The following XRCC4 variants were observed in gnomAD, a reference collection of about 807,000 sequenced individuals.
The protein encoded by XRCC4 is DNA repair protein XRCC4.
XRCC4 carries 28 observed loss-of-function variants against 39.1 expected under a neutral mutation model. The ratio of observed to expected loss-of-function variants is 0.72; its 90% CI spans 0.53 to 0.98. XRCC4 has a LOEUF of 0.98. Ranked by LOEUF, XRCC4 falls within the 50% of genes least tolerant of loss-of-function variation. XRCC4 has a pLI of 0.00. For missense variants in XRCC4, 350 were observed against 376.4 expected (o/e 0.93, Z 0.58); for synonymous variants, 123 against 126.4 (o/e 0.97, Z 0.18).
At chr5:83,131,824 C>T (rs995565483) in intron 3 of XRCC4, among the ~76,000 whole-genome samples, 1 of 152,088 alleles carries the variant, frequency 6.6e-6, no homozygotes, top group Admixed American at 6.6e-5. Context: ...TGGGTTGTGA[C>T]TCTTTCTCCA....
chr5:83,200,174 A>G (rs1175101542), intron 4 of XRCC4, among the ~76,000 whole-genome samples: 1 of 152,232 alleles, frequency 6.6e-6, no homozygotes, highest in Non-Finnish European at 1.5e-5. Context: ...ATGATACGAC[A>G]TACCTCTTAG....
chr5:83,188,701 A>G (rs1338393207), intron 3 of XRCC4, among the ~76,000 whole-genome samples: 1 of 152,164 alleles, frequency 6.6e-6, no homozygotes, highest in Non-Finnish European at 1.5e-5. Context: ...CAAGTGAACT[A>G]AGTGAGAGGA....
chr5:83,295,737 A>AACATGC (rs1341467292), intron 7 of XRCC4, among the ~76,000 whole-genome samples: 36 of 144,276 alleles, frequency 2.5e-4, no homozygotes, highest in African/African-American at 9.9e-4. Context: ...CACACGCACA[A>AACATGC]ACATGCACAT....
At chr5:83,318,036 A>C (rs1480172226) in intron 7 of XRCC4, among the ~76,000 whole-genome samples, 1 of 134,426 alleles carries the variant, frequency 7.4e-6, no homozygotes, top group Non-Finnish European at 1.5e-5. Flanking sequence ...CCTGGGATGC[A>C]AGGCTGGTTC....
chr5:83,211,836 A>G (rs949503151), intron 6 of XRCC4, among the ~76,000 whole-genome samples: 1 of 152,238 alleles, frequency 6.6e-6, no homozygotes, highest in Non-Finnish European at 1.5e-5. Flanking sequence ...TACCACAGGT[A>G]AGTTAATAAA....
At chr5:83,080,249 G>A (rs1342288946) in intron 1 of XRCC4, among the ~76,000 whole-genome samples, 5 of 152,024 alleles carry the variant, frequency 3.3e-5, no homozygotes, top group Admixed American at 2.6e-4. Flanking sequence ...AATTCCAGCC[G>A]GGTGCGGTGG....
At chr5:83,350,816 G>C (rs1757058428) in intron 7 of XRCC4, among the ~76,000 whole-genome samples, 1 of 151,932 alleles carries the variant, frequency 6.6e-6, no homozygotes, top group Non-Finnish European at 1.5e-5. Flanking sequence ...TTGCTTTTGG[G>C]GACTTGGCCA....
At chr5:83,103,989 T>G (rs1356705238) in intron 1 of XRCC4, among the ~76,000 whole-genome samples, 1 of 152,230 alleles carries the variant, frequency 6.6e-6, no homozygotes, top group East Asian at 1.9e-4. Flanking sequence ...TTTGTTCAAC[T>G]GTAAAATTCA....
chr5:83,274,495 GC>G (rs1246937826), intron 7 of XRCC4, among the ~76,000 whole-genome samples: 1 of 152,148 alleles, frequency 6.6e-6, no homozygotes, highest in Non-Finnish European at 1.5e-5. Context: ...ATGGTGGGGA[GC>G]AAAACAGCTG....
At chr5:83,196,039 A>G in intron 4 of XRCC4, 103 bp downstream of exon 4, 2 of 1,208,274 alleles carry the variant, frequency 1.7e-6, no homozygotes, top group South Asian at 2.2e-5. Flanking sequence ...GTGGATTAGC[A>G]CATATATATT....
intron 3 of XRCC4, among the ~76,000 whole-genome samples, chr5:83,161,058 T>C (rs891773480): frequency 1.3e-5 from 2 of 152,034 alleles, no homozygotes; most frequent in Non-Finnish European, 2.9e-5. Context: ...AGGAAACTGA[T>C]GCAGTGAAAG....
chr5:83,327,564 T>C (rs898263536), intron 7 of XRCC4, among the ~76,000 whole-genome samples: 1 of 152,092 alleles, frequency 6.6e-6, no homozygotes, highest in Admixed American at 6.6e-5. Flanking sequence ...ATTGTTGTGG[T>C]TATTTCATAT....
chr5:83,289,577 T>C lies in XRCC4; in HGVS notation c.893+30900T>C, dbSNP rs1013538283. The stretch of plus-strand genomic sequence containing the variant: ...CTCTTTCAACTGCAGTCCACTGTTA[T>C]AATACTGGAGTCCTGTTGGTGTGGT... On this transcript the variant is annotated intron_variant, in intron 7 of 7. Coordinates refer to ENST00000396027, the MANE Select transcript of XRCC4 (RefSeq NM_003401.5). Among the ~76,000 whole-genome samples, 16 of 151,990 alleles carry C rather than the reference T, an allele frequency of 1.1e-4. No homozygotes were observed. The South Asian group carries it at 2.3e-3, about 22-fold the overall frequency.
chr5:83,229,987 A>G (rs183643914), intron 6 of XRCC4, among the ~76,000 whole-genome samples: 2 of 152,162 alleles, frequency 1.3e-5, no homozygotes, highest in Non-Finnish European at 2.9e-5. Flanking sequence ...TATGTCTCCA[A>G]TAAACAGTGT....
chr5:83,211,461 T>A (rs1249688123), intron 6 of XRCC4, among the ~76,000 whole-genome samples: 1 of 152,216 alleles, frequency 6.6e-6, no homozygotes, highest in Non-Finnish European at 1.5e-5. Flanking sequence ...GGGGTAAACA[T>A]ATTCCTAGCT....
the XRCC4 span, among the ~76,000 whole-genome samples, chr5:83,368,067 A>C: frequency 7.0e-6 from 1 of 142,530 alleles, no homozygotes; most frequent in African/African-American, 2.8e-5. Context: ...TCTACACTGA[A>C]CCCCAATAAG....
At chr5:83,217,358 C>CAA (rs59416363) in intron 6 of XRCC4, among the ~76,000 whole-genome samples, 11,351 of 95,574 alleles carry the variant, frequency 0.12, 888 homozygotes, top group African/African-American at 0.14. Flanking sequence ...GACTCCGTCT[C>CAA]AAAAAAAAAA....
At chr5:83,336,388 T>C (rs1218500957) in intron 7 of XRCC4, among the ~76,000 whole-genome samples, 5 of 152,160 alleles carry the variant, frequency 3.3e-5, no homozygotes, top group African/African-American at 1.2e-4. Context: ...GGTTTAACAT[T>C]TTAATTTCTG....
At chr5:83,171,354 T>C (rs1003717175) in intron 3 of XRCC4, among the ~76,000 whole-genome samples, 8 of 152,152 alleles carry the variant, frequency 5.3e-5, no homozygotes, top group Non-Finnish European at 1.0e-4. Context: ...TAAAAATCAC[T>C]GGGGAAGTCC....
Sources: allele counts gnomAD v4.1 joint callset (sites outside exome capture counted in the v4.1 genomes callset), GRCh38; gene constraint gnomAD v4.1.1; transcripts MANE v1.5; gene names NCBI Gene and HGNC (gene_info 2026-07-23, HGNC 2026-07-21).